The following PDZRN4 variants were observed in gnomAD, a reference collection of about 807,000 sequenced individuals.
PDZRN4 encodes the protein PDZ domain containing ring finger 4, also known as PDZ domain-containing RING finger protein 4.
Under a neutral mutation model 99.0 loss-of-function variants are expected in PDZRN4, and 70 were observed. The ratio of observed to expected loss-of-function variants is 0.71; its 90% confidence interval spans 0.58 to 0.86. PDZRN4 has a LOEUF of 0.86. Ranked by LOEUF, PDZRN4 falls within the 40% of genes least tolerant of loss-of-function variation. The pLI, the probability that PDZRN4 is intolerant of heterozygous loss-of-function variation, is 0.00. For missense variants in PDZRN4, 1,474 were observed against 1,331.2 expected (o/e 1.11, Z -1.67); for synonymous variants, 551 against 501.6 (o/e 1.10, Z -1.32).
intron 5 of PDZRN4, among the ~76,000 whole-genome samples, chr12:41,539,444 A>G (rs1191988035): frequency 6.6e-6 from 1 of 152,084 alleles, no homozygotes; most frequent in Non-Finnish European, 1.5e-5. Flanking sequence ...TAACAAGAAA[A>G]AGAACAGAGA....
At chr12:41,379,251 GTT>G (rs57466011) in intron 3 of PDZRN4, among the ~76,000 whole-genome samples, 36 of 130,996 alleles carry the variant, frequency 2.7e-4, no homozygotes, top group Middle Eastern at 3.9e-3. Flanking sequence ...TCTATTTTCT[GTT>G]TTTTTTTTTT....
chr12:41,543,004 C>A (rs1323024770), intron 5 of PDZRN4, among the ~76,000 whole-genome samples: 3 of 152,058 alleles, frequency 2.0e-5, no homozygotes, highest in African/African-American at 7.2e-5. Flanking sequence ...CCTTTTCTGC[C>A]CAGGACTTTG....
intron 3 of PDZRN4, among the ~76,000 whole-genome samples, chr12:41,276,651 A>T (rs1412137821): frequency 6.6e-6 from 1 of 152,176 alleles, no homozygotes; most frequent in Admixed American, 6.5e-5. Context: ...ACTTACCCAA[A>T]GTCACACAGC....
intron 5 of PDZRN4, among the ~76,000 whole-genome samples, chr12:41,529,946 G>A (rs192779163): frequency 1.2e-4 from 18 of 146,456 alleles, no homozygotes; most frequent in Non-Finnish European, 1.6e-4. Context: ...CCCAGATCAC[G>A]GTGTAATGCC....
chr12:41,379,686 T>C (rs1013086283), intron 3 of PDZRN4, among the ~76,000 whole-genome samples: 1 of 151,990 alleles, frequency 6.6e-6, no homozygotes, highest in African/African-American at 2.4e-5. Flanking sequence ...TGATTTCCTA[T>C]TTCATACCAT....
At chr12:41,421,491 C>A (rs955800724) in intron 3 of PDZRN4, among the ~76,000 whole-genome samples, 1 of 152,132 alleles carries the variant, frequency 6.6e-6, no homozygotes, top group Admixed American at 6.6e-5. Context: ...CCGTGCCCAG[C>A]CTATTTGTAT....
At chr12:41,352,678 A>G (rs1951899208) in intron 3 of PDZRN4, among the ~76,000 whole-genome samples, 1 of 152,096 alleles carries the variant, frequency 6.6e-6, no homozygotes, top group Non-Finnish European at 1.5e-5. Context: ...ATGAATGAGA[A>G]AGTACGTGGA....
chr12:41,554,648 C>A (rs771616746), intron 6 of PDZRN4, among the ~76,000 whole-genome samples: 1 of 151,874 alleles, frequency 6.6e-6, no homozygotes, highest in African/African-American at 2.4e-5. Flanking sequence ...TGAAATTACC[C>A]GCAGTGAACT....
intron 3 of PDZRN4, among the ~76,000 whole-genome samples, chr12:41,415,020 A>T (rs1174317503): frequency 1.3e-5 from 2 of 152,184 alleles, no homozygotes; most frequent in East Asian, 3.9e-4. Context: ...CATGCTGGAC[A>T]TTGCAAACAA....
At chr12:41,544,688 A>G (rs962675725) in intron 5 of PDZRN4, among the ~76,000 whole-genome samples, 1 of 152,258 alleles carries the variant, frequency 6.6e-6, no homozygotes, top group Non-Finnish European at 1.5e-5. Flanking sequence ...AATGCTCATA[A>G]TTGCCAAGAA....
intron 3 of PDZRN4, among the ~76,000 whole-genome samples, chr12:41,338,817 AAC>A (rs1951793942): frequency 6.6e-6 from 1 of 151,998 alleles, no homozygotes; most frequent in African/African-American, 2.4e-5. Context: ...AAACAACAAC[AAC>A]AAAATCTTTC....
Position 41,282,937 on chromosome 12 carries a change from G to A in PDZRN4, c.843+88749G>A, listed in dbSNP as rs137957022. ...GAGAAAGTGGCAAAGATCTAAAATC[G>A]ACACCCTAACATAGCAATTAAAACA... On this transcript the variant is annotated intron_variant, in intron 3 of 9. Transcript: ENST00000402685. Among the ~76,000 whole-genome samples, 57 of 152,198 alleles carry A rather than the reference G, an allele frequency of 3.7e-4. 1 individual carries two copies. In the East Asian group the frequency reaches 9.1e-3, roughly 24 times the overall value.
At chr12:41,355,211 G>T (rs1406864965) in intron 3 of PDZRN4, among the ~76,000 whole-genome samples, 1 of 152,058 alleles carries the variant, frequency 6.6e-6, no homozygotes, top group Admixed American at 6.6e-5. Flanking sequence ...AACAGATGAT[G>T]CTGCAAGATG....
intron 5 of PDZRN4, among the ~76,000 whole-genome samples, chr12:41,537,623 T>C (rs1377485371): frequency 1.3e-5 from 2 of 152,130 alleles, no homozygotes; most frequent in East Asian, 1.9e-4. Context: ...TGGACTTCAG[T>C]AGTGCTGTAA....
chr12:41,424,411 G>A (rs1390618082), intron 3 of PDZRN4, among the ~76,000 whole-genome samples: 1 of 152,054 alleles, frequency 6.6e-6, no homozygotes, highest in Non-Finnish European at 1.5e-5. Flanking sequence ...ATGAAAATTT[G>A]GATGGTGTGT....
At chr12:41,217,509 A>G (rs1295341379) in intron 3 of PDZRN4, among the ~76,000 whole-genome samples, 1 of 152,080 alleles carries the variant, frequency 6.6e-6, no homozygotes, top group Admixed American at 6.6e-5. Context: ...ATGAGAAAAA[A>G]AATAGCAGGT....
rs565052840 is a variant in PDZRN4 at position 41,190,850 on chromosome 12, G to A, written c.649-608G>A. Among the ~76,000 whole-genome samples, 15 of 151,954 alleles carry A rather than the reference G, an allele frequency of 9.9e-5. No homozygotes were observed. The East Asian group carries it at 2.7e-3, about 28-fold the overall frequency. On this transcript the variant is annotated intron_variant, in intron 1 of 9. Coordinates refer to ENST00000402685, the MANE Select transcript of PDZRN4 (RefSeq NM_001164595.2). ...TTGTTTTACTATTATTTGGCCAGCA[G>A]GAAAAAATACATACTACTTTACCTA...
chr12:41,315,540 A>AT (rs1208761076), intron 3 of PDZRN4, among the ~76,000 whole-genome samples: 1 of 152,150 alleles, frequency 6.6e-6, no homozygotes, highest in Non-Finnish European at 1.5e-5. Flanking sequence ...TTATAGTTTG[A>AT]TTTTTAATCT....
chr12:41,369,229 T>G (rs995042145), intron 3 of PDZRN4, among the ~76,000 whole-genome samples: 1 of 152,092 alleles, frequency 6.6e-6, no homozygotes, highest in Non-Finnish European at 1.5e-5. Context: ...AGCATCTCAT[T>G]TTACCTGCAC....
Sources: allele counts gnomAD v4.1 joint callset (sites outside exome capture counted in the v4.1 genomes callset), GRCh38; gene constraint gnomAD v4.1.1; transcripts MANE v1.5; gene names NCBI Gene and HGNC (gene_info 2026-07-23, HGNC 2026-07-21).